Variants in NPHP4 observed in about 807,000 individuals in gnomAD.
NPHP4 encodes the protein nephrocystin 4.
A neutral mutation model predicts 155.8 loss-of-function variants in NPHP4; 151 were observed. The observed-to-expected ratio is 0.97, with a 90% CI of 0.85 to 1.11. NPHP4 has a LOEUF of 1.11. Ranked by LOEUF, NPHP4 falls within the 50% of genes least tolerant of loss-of-function variation. The probability of loss-of-function intolerance (pLI) is 0.00; values close to 1 mark genes in which losing one functional copy is unlikely to be tolerated. For synonymous variants in NPHP4, 845 were observed against 816.8 expected (o/e 1.03, Z -0.59); for missense variants, 1,956 against 1,925.7 (o/e 1.02, Z -0.29).
In NPHP4 at chr1:5,877,157, C is replaced by G; in HGVS notation, c.2753G>C (p.Arg918Pro). The part of the protein sequence containing the change: ...SDATRRRKLE[R>P]MRSVRLQEAG... ...CTCCTGCAGGCGCACAGACCTCATC[C>G]GCTCCAGCTTACGCCTGCGGGTGGC... is the stretch of plus-strand genomic sequence containing the variant. Residue 918 changes from arginine to proline, a missense_variant, in exon 20 of 30, where the codon CGG becomes CCG. Transcript: ENST00000378156. 6.2e-7 allele frequency: 1 copy of G among 1,604,620 alleles called. No individual in the cohort carries two copies. Among genetic ancestry groups the G allele is most frequent in the Non-Finnish European group, 8.5e-7 (1 of 1,173,702 alleles).
chr1:5,863,543 G>T (rs1640859730), intron 29 of NPHP4, 138 bp from the exon 30 acceptor site: 3 of 1,003,680 alleles, frequency 3.0e-6, no homozygotes, highest in Non-Finnish European at 4.5e-6. Context: ...TCCAAGGCCT[G>T]CCTTTGACTT....
At chr1:5,973,180 C>T (rs949702608) in intron 3 of NPHP4, among the ~76,000 whole-genome samples, 2 of 152,208 alleles carry the variant, frequency 1.3e-5, no homozygotes, top group African/African-American at 4.8e-5. Context: ...CCACTGCACC[C>T]GGCCTCAATT....
At chr1:5,935,206 T>C (rs377101040) in intron 9 of NPHP4, among the ~76,000 whole-genome samples, 1 of 152,250 alleles carries the variant, frequency 6.6e-6, no homozygotes, top group African/African-American at 2.4e-5. Context: ...AGAATCGGCA[T>C]CTTGTTTCAC....
chr1:5,965,165 T>A (rs1014439187), intron 5 of NPHP4, among the ~76,000 whole-genome samples: 1 of 151,784 alleles, frequency 6.6e-6, no homozygotes, highest in Non-Finnish European at 1.5e-5. Flanking sequence ...ACTCCTGGCC[T>A]TAAGCAATCT....
At chr1:5,962,616 C>G (rs1430498454) in intron 5 of NPHP4, among the ~76,000 whole-genome samples, 1 of 152,234 alleles carries the variant, frequency 6.6e-6, no homozygotes, top group African/African-American at 2.4e-5. Flanking sequence ...GGAGGAGCCA[C>G]TTTCCTGGAG....
intron 20 of NPHP4, 52 bp downstream of exon 20, chr1:5,877,041 G>T: frequency 1.7e-6 from 2 of 1,197,922 alleles, no homozygotes; most frequent in Non-Finnish European, 2.2e-6. Flanking sequence ...TGTGCACAGT[G>T]ACTCAGTCTG....
At chr1:5,915,108 G>A (rs980095684) in intron 11 of NPHP4, among the ~76,000 whole-genome samples, 1 of 152,238 alleles carries the variant, frequency 6.6e-6, no homozygotes, top group African/African-American at 2.4e-5. Context: ...AATTCCGTGG[G>A]AGAGAGAAGT....
At chr1:5,974,107 C>T (rs924080116) in intron 3 of NPHP4, among the ~76,000 whole-genome samples, 1 of 152,270 alleles carries the variant, frequency 6.6e-6, no homozygotes, top group Non-Finnish European at 1.5e-5. Flanking sequence ...TACTCCTTGA[C>T]AGCATCCACT....
intron 11 of NPHP4, among the ~76,000 whole-genome samples, chr1:5,924,547 C>G (rs1004819340): frequency 6.6e-6 from 1 of 152,034 alleles, no homozygotes; most frequent in African/African-American, 2.4e-5. Context: ...TTGATCCAGC[C>G]CAAAAGCCCG....
At chr1:5,870,972 A>C (rs1255662551) in intron 23 of NPHP4, among the ~76,000 whole-genome samples, 4 of 152,264 alleles carry the variant, frequency 2.6e-5, no homozygotes, top group Non-Finnish European at 5.9e-5. Context: ...CTGTGATGAC[A>C]GAAGAGGAGC....
At chr1:5,931,248 C>T (rs1008369399) in intron 10 of NPHP4, among the ~76,000 whole-genome samples, 6 of 152,084 alleles carry the variant, frequency 3.9e-5, no homozygotes, top group Non-Finnish European at 5.9e-5. Flanking sequence ...ACTATTTACA[C>T]GTAATGTAAT....
rs528204038 is a variant in NPHP4 at position 5,890,106 on chromosome 1, G to A, written c.2304+762C>T. Among the ~76,000 whole-genome samples, 18 of 152,202 alleles carry A rather than the reference G, an allele frequency of 1.2e-4. No homozygotes were observed. The highest frequency in any genetic ancestry group is 3.6e-4 in the African/African-American group (15 of 41,514). Reference sequence around the variant, plus strand: ...GCTGCTGGAGAGGACAGGAAGCCCCGGGGGTTCAGCCGTGTCAGGAATCCA... The same window carrying A: ...GCTGCTGGAGAGGACAGGAAGCCCCAGGGGTTCAGCCGTGTCAGGAATCCA... On this transcript the variant is annotated intron_variant, in intron 17 of 29. Coordinates refer to ENST00000378156, the MANE Select transcript of NPHP4 (RefSeq NM_015102.5). The surrounding 1 kb of genome is among the most constrained non-coding windows in gnomAD (Gnocchi z 4.9).
chr1:5,883,836 G>A (rs1024005193), intron 18 of NPHP4, among the ~76,000 whole-genome samples: 1 of 152,182 alleles, frequency 6.6e-6, no homozygotes, highest in African/African-American at 2.4e-5. Flanking sequence ...ACCCTGAGAA[G>A]TACTAAGAGA....
chr1:5,879,893 G>C (rs772416163), intron 19 of NPHP4, among the ~76,000 whole-genome samples: 5 of 146,448 alleles, frequency 3.4e-5, no homozygotes, highest in Admixed American at 2.0e-4. Flanking sequence ...ACACGCACAC[G>C]TGCACACATG....
chr1:5,928,991 T>C (rs1258056345), intron 10 of NPHP4, among the ~76,000 whole-genome samples: 1 of 152,162 alleles, frequency 6.6e-6, no homozygotes, highest in African/African-American at 2.4e-5. Flanking sequence ...AAAAGGACAG[T>C]TTTATTGTTT....
chr1:5,912,565 A>C (rs573868368), intron 11 of NPHP4, among the ~76,000 whole-genome samples: 1 of 152,138 alleles, frequency 6.6e-6, no homozygotes, highest in South Asian at 2.1e-4. Flanking sequence ...AGAAAAAAGA[A>C]AAAAGAAAAA....
At chr1:5,929,428 T>G (rs1332201357) in intron 10 of NPHP4, among the ~76,000 whole-genome samples, 4 of 152,122 alleles carry the variant, frequency 2.6e-5, no homozygotes, top group African/African-American at 9.6e-5. Flanking sequence ...TGATGTTAAC[T>G]AAAGAGTTTT....
chr1:5,964,667 C>A (rs1041254050), intron 5 of NPHP4, among the ~76,000 whole-genome samples: 24 of 151,906 alleles, frequency 1.6e-4, no homozygotes, highest in African/African-American at 5.6e-4. Flanking sequence ...CTTCTCCACT[C>A]CCTGGCCAGT....
chr1:5,945,908 C>A (rs112520831), intron 9 of NPHP4, among the ~76,000 whole-genome samples: 124 of 152,124 alleles, frequency 8.2e-4, no homozygotes, highest in African/African-American at 2.9e-3. Context: ...CATTGTCCCC[C>A]CCCAGGGCGT....
Sources: allele counts gnomAD v4.1 joint callset (sites outside exome capture counted in the v4.1 genomes callset), GRCh38; gene constraint gnomAD v4.1.1; non-coding constraint Gnocchi (gnomAD v3.1); transcripts MANE v1.5; gene names NCBI Gene and HGNC (gene_info 2026-07-23, HGNC 2026-07-21).